ADCK1: variants seen among roughly 807,000 people sequenced by gnomAD.
The protein encoded by ADCK1 is aarF domain containing kinase 1.
Under a neutral mutation model 52.3 loss-of-function variants are expected in ADCK1, and 41 were observed. The observed-to-expected ratio is 0.78, with a 90% CI of 0.61 to 1.02. ADCK1 has a LOEUF of 1.02. Ranked by LOEUF, ADCK1 falls within the 50% of genes least tolerant of loss-of-function variation. ADCK1 has a pLI of 0.00. For synonymous variants in ADCK1, 250 were observed against 274.6 expected (o/e 0.91, Z 0.89); for missense variants, 658 against 679.5 (o/e 0.97, Z 0.35).
At chr14:77,900,240 A>G (rs1387903471) in intron 6 of ADCK1, among the ~76,000 whole-genome samples, 3 of 152,188 alleles carry the variant, frequency 2.0e-5, no homozygotes, top group Admixed American at 6.6e-5. Flanking sequence ...GGAAGTGGGC[A>G]TCAGAAGGGT....
chr14:77,818,505 C>T (rs937137938), intron 1 of ADCK1, among the ~76,000 whole-genome samples: 6 of 152,130 alleles, frequency 3.9e-5, no homozygotes, highest in African/African-American at 1.4e-4. Flanking sequence ...TGGTCTGGAA[C>T]TCCTGGACTC....
intron 4 of ADCK1, among the ~76,000 whole-genome samples, chr14:77,878,404 G>A (rs1207837693): frequency 6.6e-6 from 1 of 152,248 alleles, no homozygotes; most frequent in Non-Finnish European, 1.5e-5. Context: ...CCATGGTTGA[G>A]CATTCAGTCC....
At chr14:77,848,904 C>T (rs2082226254) in intron 3 of ADCK1, among the ~76,000 whole-genome samples, 1 of 151,916 alleles carries the variant, frequency 6.6e-6, no homozygotes, top group Non-Finnish European at 1.5e-5. Flanking sequence ...CAACTCACTG[C>T]AAGCTCCGCC....
chr14:77,856,158 C>T (rs565304721), intron 3 of ADCK1, among the ~76,000 whole-genome samples: 4 of 152,088 alleles, frequency 2.6e-5, no homozygotes, highest in East Asian at 1.9e-4. Context: ...TACAGTGAGC[C>T]GAGATCACGC....
intron 3 of ADCK1, among the ~76,000 whole-genome samples, chr14:77,832,560 A>T (rs373300152): frequency 9.9e-5 from 15 of 152,260 alleles, no homozygotes; most frequent in Admixed American, 6.5e-4. Flanking sequence ...GCTGCCTGGG[A>T]TGGATTTGGG....
chr14:77,819,520 C>T (rs1402246580), intron 2 of ADCK1, among the ~76,000 whole-genome samples: 1 of 152,206 alleles, frequency 6.6e-6, no homozygotes, highest in Non-Finnish European at 1.5e-5. Context: ...AACTCAATCC[C>T]TCTCCAGTGA....
intron 9 of ADCK1, among the ~76,000 whole-genome samples, chr14:77,926,981 C>T (rs1464857141): frequency 6.6e-6 from 1 of 152,154 alleles, no homozygotes; most frequent in Non-Finnish European, 1.5e-5. Flanking sequence ...GGGGGATGGC[C>T]TTGGGCTCCA....
intron 3 of ADCK1, 108 bp from the exon 4 acceptor site, chr14:77,858,968 C>T: frequency 1.9e-6 from 2 of 1,028,016 alleles, no homozygotes; most frequent in Non-Finnish European, 2.8e-6. Context: ...CTGCCCTGGG[C>T]ATTGTGGGGT....
intron 5 of ADCK1, among the ~76,000 whole-genome samples, chr14:77,897,711 G>A (rs1340578258): frequency 6.6e-6 from 1 of 152,096 alleles, no homozygotes; most frequent in Non-Finnish European, 1.5e-5. Flanking sequence ...AAACATTTTA[G>A]ACGTACAGAA....
chr14:77,843,171 C>T (rs1013391925), intron 3 of ADCK1, among the ~76,000 whole-genome samples: 6 of 152,122 alleles, frequency 3.9e-5, no homozygotes, highest in Non-Finnish European at 7.4e-5. Flanking sequence ...GGATCACAGG[C>T]GTGAGTAACC....
intron 3 of ADCK1, among the ~76,000 whole-genome samples, chr14:77,857,624 G>T (rs1258538024): frequency 6.6e-6 from 1 of 151,982 alleles, no homozygotes; most frequent in African/African-American, 2.4e-5. Flanking sequence ...AAACAAAAAC[G>T]AAAACAAAAA....
chr14:77,933,197 CT>C (rs2084378639), intron 10 of ADCK1, 22 bp from the exon 11 acceptor site: 2 of 1,608,524 alleles, frequency 1.2e-6, no homozygotes, highest in Non-Finnish European at 1.7e-6. Context: ...CTCTTTTCTC[CT>C]TTTTTCTTTC....
Position 77,864,774 on chromosome 14 carries a change from G to T in ADCK1, c.423+5495G>T, listed in dbSNP as rs891045998. ...TGATGTGGGTTATAGAGGCTGGGAA[G>T]TCCAAAATCTGCAGAGTGGCCCAGC... On this transcript the variant is annotated intron_variant, in intron 4 of 10. Transcript: ENST00000238561. Among the ~76,000 whole-genome samples the T allele has an allele frequency of 3.9e-5, 6 of 152,144 alleles. No individual in the cohort carries two copies. The East Asian group carries it at 1.2e-3, about 29-fold the overall frequency.
At chr14:77,876,136 G>A (rs2082893815) in intron 4 of ADCK1, among the ~76,000 whole-genome samples, 1 of 152,268 alleles carries the variant, frequency 6.6e-6, no homozygotes, top group South Asian at 2.1e-4. Flanking sequence ...ATCTTATCCT[G>A]CAGGCCAGCA....
intron 4 of ADCK1, among the ~76,000 whole-genome samples, chr14:77,870,342 C>T (rs999502301): frequency 2.6e-5 from 4 of 152,172 alleles, no homozygotes; most frequent in Admixed American, 6.5e-5. Flanking sequence ...TTCTGGGGGA[C>T]GTTAAAGAGA....
Position 77,812,926 on chromosome 14 carries a change from C to A in ADCK1, c.-11-6042C>A, listed in dbSNP as rs147110983. Among the ~76,000 whole-genome samples, 211 of 152,102 alleles carry A rather than the reference C, an allele frequency of 1.4e-3. 1 individual carries two copies. The highest frequency in any genetic ancestry group is 4.9e-3 in the African/African-American group (203 of 41,508). On this transcript the variant is annotated intron_variant, in intron 1 of 10. Transcript: ENST00000238561. Reference sequence around the variant, plus strand: ...TTATTTACAAAGTCACAATCTCATTCTTGCAGAGGTAGGAACTGATCCCAG... The same window carrying A: ...TTATTTACAAAGTCACAATCTCATTATTGCAGAGGTAGGAACTGATCCCAG...
rs546484331 is a variant in ADCK1, at chr14:77,811,461, G to A, written c.-11-7507G>A. 3.9e-5 allele frequency among the ~76,000 whole-genome samples: 6 copies of A among 152,228 alleles called. No individual in the cohort carries two copies. The East Asian group carries it at 1.2e-3, about 29-fold the overall frequency. On this transcript the variant is annotated intron_variant, in intron 1 of 10. Coordinates refer to ENST00000238561, the MANE Select transcript of ADCK1 (RefSeq NM_020421.4). The stretch of plus-strand genomic sequence containing the variant: ...TGGCCATGCCAGGACTCAAACCTGG[G>A]CTGATTGGACTCCAGAGTTCATGAT...
intron 1 of ADCK1, among the ~76,000 whole-genome samples, chr14:77,817,104 T>C (rs2081472073): frequency 6.6e-6 from 1 of 151,922 alleles, no homozygotes; most frequent in East Asian, 1.9e-4. Flanking sequence ...TAGCTGGGCA[T>C]GGTGGTGGCC....
In ADCK1 at chr14:77,874,394, T is replaced by C. The variant is rs2082852435; in HGVS notation, c.424-12697T>C. Among the ~76,000 whole-genome samples the C allele has an allele frequency of 2.0e-5, 3 of 151,570 alleles. 1 individual carries two copies. Among genetic ancestry groups the C allele is most frequent in the Admixed American group, 2.0e-4 (3 of 15,210 alleles). On this transcript the variant is annotated intron_variant, in intron 4 of 10. Coordinates refer to ENST00000238561, the MANE Select transcript of ADCK1 (RefSeq NM_020421.4). ...GGTGGATGGGGCTTTCTGGAGGAGGTGAGAGGTGAGCAGGACTTCAGTGTG... is the reference window on the plus strand; with the variant it reads ...GGTGGATGGGGCTTTCTGGAGGAGGCGAGAGGTGAGCAGGACTTCAGTGTG...
Sources: allele counts gnomAD v4.1 joint callset (sites outside exome capture counted in the v4.1 genomes callset), GRCh38; gene constraint gnomAD v4.1.1; transcripts MANE v1.5; gene names NCBI Gene and HGNC (gene_info 2026-07-23, HGNC 2026-07-21).